Variants in UNC13B observed in about 807,000 individuals in gnomAD.
UNC13B encodes the protein protein unc-13 homolog B.
A neutral mutation model predicts 211.0 loss-of-function variants in UNC13B; 144 were observed. That is an observed-to-expected ratio of 0.68 (90% CI 0.60 to 0.78). The LOEUF is 0.78. Ranked by LOEUF, UNC13B falls within the 30% of genes least tolerant of loss-of-function variation. The pLI, the probability that UNC13B is intolerant of heterozygous loss-of-function variation, is 0.00. For synonymous variants in UNC13B, 709 were observed against 725.8 expected, an observed-to-expected ratio of 0.98 and a Z score of 0.37; for missense variants, 1,777 against 2,002.0, an observed-to-expected ratio of 0.89 and a Z score of 2.14.
chr9:35,380,726 GT>G (rs891507482), intron 18 of UNC13B, 87 bp downstream of exon 18: 1 of 1,546,988 alleles, frequency 6.5e-7, no homozygotes, highest in African/African-American at 1.4e-5. Flanking sequence ...ACCACCATCT[GT>G]CCCCAAAGCA....
intron 4 of UNC13B, among the ~76,000 whole-genome samples, chr9:35,237,241 G>T (rs756628020): frequency 1.3e-5 from 2 of 152,168 alleles, no homozygotes; most frequent in Admixed American, 6.5e-5. Flanking sequence ...GAGTGGGGAA[G>T]TTGAAATTGC....
At chr9:35,164,598 G>C (rs1820937192) in intron 1 of UNC13B, among the ~76,000 whole-genome samples, 1 of 152,154 alleles carries the variant, frequency 6.6e-6, no homozygotes, top group Non-Finnish European at 1.5e-5. Context: ...CAGGTTTAAG[G>C]CTCTCAATAC....
chr9:35,287,193 C>T (rs1828847799), intron 7 of UNC13B, among the ~76,000 whole-genome samples: 1 of 149,778 alleles, frequency 6.7e-6, no homozygotes, highest in East Asian at 2.0e-4. Context: ...AGTGCATTGG[C>T]ATGATCACGG....
intron 1 of UNC13B, among the ~76,000 whole-genome samples, chr9:35,181,928 A>AGATT (rs1587309834): frequency 6.6e-6 from 1 of 152,288 alleles, no homozygotes; most frequent in East Asian, 1.9e-4. Flanking sequence ...GTCTTTGGAG[A>AGATT]GATTGATTTG....
At chr9:35,355,318 G>A (rs1832959826) in intron 11 of UNC13B, among the ~76,000 whole-genome samples, 1 of 152,118 alleles carries the variant, frequency 6.6e-6, no homozygotes, top group South Asian at 2.1e-4. Flanking sequence ...GGAATGGGAG[G>A]GAGATTTTTC....
rs768491651 is a variant in UNC13B at position 35,236,462 on chromosome 9, C to A, written c.153-7C>A. On this transcript the variant is annotated splice_polypyrimidine_tract_variant and splice_region_variant and intron_variant, in intron 3 of 39. Coordinates refer to ENST00000635942, the MANE Select transcript of UNC13B (RefSeq NM_001371189.2). ...CTTTCCTCAAAGGGCTTTCCTCTTT[C>A]CCTTAGTGAGATTAGTCGCCTGGAC... 9 of 1,611,484 alleles carry A rather than the reference C, an allele frequency of 5.6e-6. No individual in the cohort carries two copies. In the Admixed American group the frequency reaches 1.5e-4, roughly 27 times the overall value.
chr9:35,297,134 G>T (rs373557624), intron 8 of UNC13B, among the ~76,000 whole-genome samples: 2 of 145,882 alleles, frequency 1.4e-5, no homozygotes, highest in Admixed American at 7.0e-5. Context: ...TGTCTCCCAG[G>T]CTGGAGTGCA....
chr9:35,235,450 G>A (rs1412784904), intron 3 of UNC13B, among the ~76,000 whole-genome samples: 4 of 134,888 alleles, frequency 3.0e-5, no homozygotes, highest in South Asian at 2.5e-4. Flanking sequence ...CCCCCGCCCC[G>A]CCCCGGCTTT....
At chr9:35,174,113 G>A (rs897049697) in intron 1 of UNC13B, among the ~76,000 whole-genome samples, 3 of 150,466 alleles carry the variant, frequency 2.0e-5, no homozygotes, top group Non-Finnish European at 3.0e-5. Flanking sequence ...CTAAGACAGG[G>A]AGCTGAAAGT....
intron 4 of UNC13B, among the ~76,000 whole-genome samples, chr9:35,236,863 G>A (rs764979515): frequency 2.0e-5 from 3 of 152,028 alleles, no homozygotes; most frequent in African/African-American, 7.2e-5. Flanking sequence ...TGTGTGTGTC[G>A]GTGTGTGTGT....
Position 35,307,727 on chromosome 9 carries a change from C to T in UNC13B, c.8323C>T (p.Arg2775Cys), listed in dbSNP as rs1363140244. ...AAATGTGACCACTTGGCCAAAGCTT[C>T]GTTTGCCATCCTCTGCTACTAACCA... ...IPNVTTWPKL[R>C]LPSSATNHGK... Residue 2775 changes from arginine to cysteine, a missense_variant, in exon 9 of 40, where the codon CGT becomes TGT. Arg to Cys is a radical substitution (Grantham distance 180). Coordinates refer to ENST00000635942, the MANE Select transcript of UNC13B (RefSeq NM_001371189.2). The T allele has an allele frequency of 1.3e-5, 5 of 398,930 alleles. No individual in the cohort carries two copies. Among genetic ancestry groups the T allele is most frequent in the African/African-American group, 6.2e-5 (3 of 48,632 alleles). The allele number at this position is 398,930 out of a possible 1,614,324, so 24.7% of individuals were successfully genotyped here.
rs560014947 is a variant in UNC13B, at chr9:35,393,898, T to G, written c.11309-2578T>G. The stretch of plus-strand genomic sequence containing the variant: ...CTTTTGGACTCTATCTTGAGGTAGC[T>G]GGGAGCCACTGACATATGTCAAGCA... On this transcript the variant is annotated intron_variant, in intron 26 of 39. Transcript: ENST00000635942. Among the ~76,000 whole-genome samples the G allele has an allele frequency of 3.3e-5, 5 of 152,226 alleles. No homozygotes were observed. In the South Asian group the frequency reaches 1.0e-3, roughly 32 times the overall value.
At chr9:35,365,581 C>A (rs1833721170) in intron 11 of UNC13B, among the ~76,000 whole-genome samples, 1 of 130,740 alleles carries the variant, frequency 7.6e-6, no homozygotes, top group Admixed American at 7.0e-5. Context: ...GGGATTGGCT[C>A]CCCAACACTC....
At chr9:35,163,844 T>C (rs984180375) in intron 1 of UNC13B, among the ~76,000 whole-genome samples, 1 of 152,232 alleles carries the variant, frequency 6.6e-6, no homozygotes, top group Non-Finnish European at 1.5e-5. Context: ...AGTTTCTTCT[T>C]TTTTGAATCT....
At chr9:35,293,092 T>G (rs1829174450) in intron 7 of UNC13B, among the ~76,000 whole-genome samples, 1 of 152,216 alleles carries the variant, frequency 6.6e-6, no homozygotes, top group South Asian at 2.1e-4. Context: ...TTTTTCTGTT[T>G]CTCTCCTTTG....
rs1237877249 is a variant in UNC13B, at chr9:35,196,488, G to T, written c.23-31527G>T. Among the ~76,000 whole-genome samples the T allele has an allele frequency of 1.3e-5, 2 of 152,126 alleles. 1 individual carries two copies. The highest frequency in any genetic ancestry group is 2.9e-5 in the Non-Finnish European group (2 of 68,026). On this transcript the variant is annotated intron_variant, in intron 1 of 39. Coordinates refer to ENST00000635942, the MANE Select transcript of UNC13B (RefSeq NM_001371189.2). ...GCGGAAGTTACATGTTTTTTTGAGG[G>T]TTAGGTACAGTTCTTATATATTCTC...
chr9:35,390,966 A>T (rs1835496117), intron 26 of UNC13B, among the ~76,000 whole-genome samples: 2 of 152,180 alleles, frequency 1.3e-5, no homozygotes, highest in Admixed American at 1.3e-4. Flanking sequence ...CCTGTTCAAG[A>T]CCTTCCCAGC....
intron 7 of UNC13B, among the ~76,000 whole-genome samples, chr9:35,294,720 G>A (rs1418829020): frequency 6.6e-6 from 1 of 152,196 alleles, no homozygotes; most frequent in Non-Finnish European, 1.5e-5. Flanking sequence ...AACTTGTCAA[G>A]AAAGGACACG....
chr9:35,176,753 C>G (rs1308044643), intron 1 of UNC13B, among the ~76,000 whole-genome samples: 1 of 152,090 alleles, frequency 6.6e-6, no homozygotes, highest in South Asian at 2.1e-4. Context: ...CTGATTTGTG[C>G]TATAAACGAG....
Sources: gnomAD v4.1 joint callset for allele counts (sites outside exome capture counted in the v4.1 genomes callset) on GRCh38, gnomAD v4.1.1 for gene constraint, MANE v1.5 for transcripts, NCBI Gene and HGNC (gene_info 2026-07-23, HGNC 2026-07-21) for gene names.